Variants in ROBO1 observed in about 807,000 individuals in gnomAD.
The protein encoded by ROBO1 is roundabout guidance receptor 1.
Under a neutral mutation model 195.9 loss-of-function variants are expected in ROBO1, and 149 were observed. That is an observed-to-expected ratio of 0.76 (90% CI 0.67 to 0.87). The LOEUF is 0.87. Ranked by LOEUF, ROBO1 falls within the 40% of genes least tolerant of loss-of-function variation. ROBO1 has a pLI of 0.00. For synonymous variants in ROBO1, 816 were observed against 733.2 expected, an observed-to-expected ratio of 1.11 and a Z score of -1.82; for missense variants, 1,933 against 2,068.3, an observed-to-expected ratio of 0.93 and a Z score of 1.27.
At chr3:78,771,644 TTG>T (rs377298665) in intron 4 of ROBO1, among the ~76,000 whole-genome samples, 1 of 152,148 alleles carries the variant, frequency 6.6e-6, no homozygotes, top group Admixed American at 6.6e-5. Flanking sequence ...GGTATTTTAT[TTG>T]TGTGTGTGTG....
chr3:79,506,429 G>C (rs1457675695), intron 2 of ROBO1, among the ~76,000 whole-genome samples: 1 of 151,690 alleles, frequency 6.6e-6, no homozygotes, highest in Admixed American at 6.6e-5. Flanking sequence ...AAGTTTCAAA[G>C]AAAAGAAATA....
chr3:79,718,414 T>C (rs1702572437), intron 1 of ROBO1, among the ~76,000 whole-genome samples: 1 of 151,990 alleles, frequency 6.6e-6, no homozygotes, highest in Admixed American at 6.6e-5. Context: ...AGCTTTGACT[T>C]TGGGGTTGTT....
chr3:79,105,746 G>T lies in ROBO1; in HGVS notation c.172+19710C>A, dbSNP rs183462592. 2.0e-5 allele frequency among the ~76,000 whole-genome samples: 3 copies of T among 151,840 alleles called. No homozygotes were observed. The East Asian group carries it at 5.8e-4, about 29-fold the overall frequency. On this transcript the variant is annotated intron_variant, in intron 3 of 30. Coordinates refer to ENST00000464233, the MANE Select transcript of ROBO1 (RefSeq NM_002941.4). ...GAAAAAATCCTTAGTGTCATCATGT[G>T]TATGTAATGAAAAGAGTATACCACA... is the stretch of plus-strand genomic sequence containing the variant.
chr3:78,662,414 T>A (rs867004406), intron 14 of ROBO1, among the ~76,000 whole-genome samples: 1 of 152,146 alleles, frequency 6.6e-6, no homozygotes, highest in African/African-American at 2.4e-5. Flanking sequence ...TCCTATCATG[T>A]AACGATCACT....
intron 1 of ROBO1, among the ~76,000 whole-genome samples, chr3:79,717,962 C>T (rs1257176423): frequency 6.6e-6 from 1 of 151,874 alleles, no homozygotes; most frequent in Non-Finnish European, 1.5e-5. Context: ...CTTACAGGAG[C>T]ATGATCCTTG....
chr3:79,663,584 G>A (rs1165473399), intron 1 of ROBO1, among the ~76,000 whole-genome samples: 1 of 152,004 alleles, frequency 6.6e-6, no homozygotes, highest in African/African-American at 2.4e-5. Flanking sequence ...CTGGGCTCAA[G>A]GGATTCTCCT....
At chr3:79,369,521 G>T (rs180753799) in intron 2 of ROBO1, among the ~76,000 whole-genome samples, 1 of 152,278 alleles carries the variant, frequency 6.6e-6, no homozygotes, top group Admixed American at 6.5e-5. Flanking sequence ...AGTACAATGA[G>T]AAAACACCCA....
intron 1 of ROBO1, among the ~76,000 whole-genome samples, chr3:79,737,167 A>G (rs1004168241): frequency 6.6e-6 from 1 of 152,162 alleles, no homozygotes; most frequent in Non-Finnish European, 1.5e-5. Flanking sequence ...ACAATCCAAG[A>G]GAGTGCAATA....
chr3:79,592,290 C>A (rs187912235), intron 1 of ROBO1, among the ~76,000 whole-genome samples: 1 of 151,722 alleles, frequency 6.6e-6, no homozygotes, highest in Non-Finnish European at 1.5e-5. Context: ...TGATTGAATT[C>A]CCCCAAGTTA....
At chr3:79,519,628 C>CAAA (rs71631657) in intron 2 of ROBO1, among the ~76,000 whole-genome samples, 11,602 of 64,508 alleles carry the variant, frequency 0.18, 1,974 homozygotes, top group African/African-American at 0.26. Flanking sequence ...GACTCCTGCT[C>CAAA]AAAAAAAAAA....
At chr3:79,641,585 C>A (rs377228557) in intron 1 of ROBO1, among the ~76,000 whole-genome samples, 1 of 151,652 alleles carries the variant, frequency 6.6e-6, no homozygotes, top group Non-Finnish European at 1.5e-5. Flanking sequence ...AAATAAGAAA[C>A]GAAACAGTGA....
At chr3:79,392,620 G>A (rs1037106043) in intron 2 of ROBO1, among the ~76,000 whole-genome samples, 17 of 152,136 alleles carry the variant, frequency 1.1e-4, no homozygotes, top group Non-Finnish European at 1.0e-4. Flanking sequence ...AAATACACTT[G>A]TGCAGCATGA....
At chr3:79,723,335 T>C (rs1702781007) in intron 1 of ROBO1, among the ~76,000 whole-genome samples, 1 of 152,190 alleles carries the variant, frequency 6.6e-6, no homozygotes, top group Admixed American at 6.5e-5. Flanking sequence ...AAATATATGA[T>C]GGTTTTGAAA....
intron 1 of ROBO1, among the ~76,000 whole-genome samples, chr3:79,758,369 A>G (rs1285198023): frequency 6.6e-6 from 1 of 152,230 alleles, no homozygotes; most frequent in African/African-American, 2.4e-5. Context: ...CAGTGTCAAT[A>G]GGCACATGTA....
intron 2 of ROBO1, among the ~76,000 whole-genome samples, chr3:79,492,340 G>T (rs748757390): frequency 1.3e-5 from 2 of 148,652 alleles, no homozygotes; most frequent in East Asian, 4.1e-4. Context: ...CAGGAGAATC[G>T]CTTGAACCCG....
chr3:79,100,586 A>C (rs2079657731), intron 3 of ROBO1, among the ~76,000 whole-genome samples: 1 of 151,776 alleles, frequency 6.6e-6, no homozygotes, highest in Admixed American at 6.6e-5. Context: ...ACGTGATCCT[A>C]TCATCCTATC....
At chr3:79,505,039 A>AC (rs1940314880) in intron 2 of ROBO1, among the ~76,000 whole-genome samples, 1 of 129,598 alleles carries the variant, frequency 7.7e-6, no homozygotes, top group African/African-American at 2.7e-5. Context: ...AAAAAAAAAA[A>AC]CTTTTTGAAT....
At chr3:78,853,252 A>G (rs985495819) in intron 4 of ROBO1, among the ~76,000 whole-genome samples, 2 of 151,900 alleles carry the variant, frequency 1.3e-5, no homozygotes, top group African/African-American at 4.8e-5. Context: ...GGAAGAAAGG[A>G]GGAGGTAAGT....
At chr3:78,736,037 A>T (rs1224159396) in intron 5 of ROBO1, among the ~76,000 whole-genome samples, 1 of 152,182 alleles carries the variant, frequency 6.6e-6, no homozygotes. Context: ...ATTTACTCAC[A>T]TAATTAACTT....
Sources: allele counts gnomAD v4.1 joint callset (sites outside exome capture counted in the v4.1 genomes callset), GRCh38; gene constraint gnomAD v4.1.1; transcripts MANE v1.5; gene names NCBI Gene and HGNC (gene_info 2026-07-23, HGNC 2026-07-21).